The following GPR39 variants were observed in gnomAD, a reference collection of about 807,000 sequenced individuals.
The protein encoded by GPR39 is zinc sensing receptor.
In GPR39, 23 loss-of-function variants were observed where a neutral mutation model predicts 18.4. The ratio of observed to expected loss-of-function variants is 1.25; its 90% CI spans 0.90 to 1.77. The LOEUF is 1.77. Ranked by LOEUF, GPR39 falls within the 40% of genes most tolerant of loss-of-function variation. The pLI, the probability that GPR39 is intolerant of heterozygous loss-of-function variation, is 0.00. For missense variants in GPR39, 647 were observed against 602.4 expected, an observed-to-expected ratio of 1.07 and a Z score of -0.78; for synonymous variants, 280 against 257.9, an observed-to-expected ratio of 1.09 and a Z score of -0.82.
At chr2:132,566,951 C>T (rs1680359343) in intron 1 of GPR39, among the ~76,000 whole-genome samples, 1 of 152,228 alleles carries the variant, frequency 6.6e-6, no homozygotes, top group South Asian at 2.1e-4. Flanking sequence ...CTCCATTTGC[C>T]TTCTTCCTTG....
At chr2:132,630,167 G>A (rs548371168) in intron 1 of GPR39, among the ~76,000 whole-genome samples, 2 of 152,258 alleles carry the variant, frequency 1.3e-5, no homozygotes, top group East Asian at 1.9e-4. Context: ...ACATGGCGGT[G>A]CAAAGACTGA....
At chr2:132,423,595 A>G (rs942152203) in intron 1 of GPR39, among the ~76,000 whole-genome samples, 2 of 151,752 alleles carry the variant, frequency 1.3e-5, no homozygotes, top group Non-Finnish European at 2.9e-5. Flanking sequence ...ATGCTTTTCT[A>G]TCTTACTCTA....
At chr2:132,461,735 T>C (rs1371337791) in intron 1 of GPR39, among the ~76,000 whole-genome samples, 2 of 152,238 alleles carry the variant, frequency 1.3e-5, no homozygotes, top group Non-Finnish European at 2.9e-5. Flanking sequence ...CATTTACTAA[T>C]CATAGTATTA....
At chr2:132,580,713 C>T (rs1680607419) in intron 1 of GPR39, among the ~76,000 whole-genome samples, 7 of 152,080 alleles carry the variant, frequency 4.6e-5, no homozygotes, top group Admixed American at 2.6e-4. Flanking sequence ...CCTGTAATCC[C>T]AGCACTTTGG....
rs1558795578 is a variant in GPR39, at chr2:132,427,121, TA to T, written c.856+9224del. Among the ~76,000 whole-genome samples, 467 of 78,290 alleles carry T rather than the reference TA, an allele frequency of 6.0e-3. 9 individuals carry two copies. The highest frequency in any genetic ancestry group is 0.023 in the African/African-American group (449 of 19,820). The allele number at this position is 78,290 out of a possible 152,430, so 51.4% of individuals were successfully genotyped here. On this transcript the variant is annotated intron_variant, in intron 1 of 1. Transcript: ENST00000329321. ...TAGGTACATATATATATAATATACA[TA>T]TATAGGTACATATATATATATATAT...
chr2:132,553,638 C>T (rs550158902), intron 1 of GPR39, among the ~76,000 whole-genome samples: 7 of 151,994 alleles, frequency 4.6e-5, no homozygotes, highest in Non-Finnish European at 1.0e-4. Flanking sequence ...ACAGAGCTCA[C>T]GGGGTGTGCA....
chr2:132,614,685 A>G (rs6739522), intron 1 of GPR39, among the ~76,000 whole-genome samples: 32,101 of 151,060 alleles, frequency 0.21, 3,585 homozygotes, highest in African/African-American at 0.26. Flanking sequence ...CAAGTAGCTG[A>G]GATTACAGGC....
chr2:132,513,794 C>G (rs1303691336), intron 1 of GPR39, among the ~76,000 whole-genome samples: 1 of 152,180 alleles, frequency 6.6e-6, no homozygotes, highest in Non-Finnish European at 1.5e-5. Context: ...TCATGGCAGC[C>G]TTGACATCCT....
At chr2:132,470,206 T>C (rs1681004761) in intron 1 of GPR39, among the ~76,000 whole-genome samples, 2 of 152,188 alleles carry the variant, frequency 1.3e-5, no homozygotes, top group African/African-American at 2.4e-5. Context: ...TCCTTCCAGT[T>C]AGTGGTGGCA....
intron 1 of GPR39, among the ~76,000 whole-genome samples, chr2:132,593,846 T>C (rs1234671827): frequency 3.3e-5 from 5 of 152,138 alleles, no homozygotes; most frequent in Non-Finnish European, 5.9e-5. Context: ...CTTGTGGCAC[T>C]GGAGGAAAGA....
intron 1 of GPR39, among the ~76,000 whole-genome samples, chr2:132,468,891 G>T (rs1415009036): frequency 3.9e-5 from 6 of 152,178 alleles, no homozygotes; most frequent in Non-Finnish European, 7.3e-5. Flanking sequence ...GAGATACATT[G>T]TCACGTAGGC....
In GPR39 at chr2:132,640,079, A is replaced by G. The variant is rs139631534; in HGVS notation, c.857-5022A>G. ...CAAGGGAGTTACAAGGCTGGTCTCA[A>G]GGTCTCCTCTTGATCTCCTGATCTC... On this transcript the variant is annotated intron_variant, in intron 1 of 1. Coordinates refer to ENST00000329321, the MANE Select transcript of GPR39 (RefSeq NM_001508.3). 4.9e-3 allele frequency among the ~76,000 whole-genome samples: 751 copies of G among 152,264 alleles called. 9 individuals carry two copies. The highest frequency in any genetic ancestry group is 3.6e-3 in the Non-Finnish European group (242 of 68,030).
At chr2:132,423,101 C>T (rs1040505163) in intron 1 of GPR39, among the ~76,000 whole-genome samples, 4 of 152,038 alleles carry the variant, frequency 2.6e-5, no homozygotes, top group Middle Eastern at 3.4e-3. Context: ...AGGACACTGT[C>T]GACTCCTATC....
At chr2:132,489,194 G>T in intron 1 of GPR39, 1 of 220,280 alleles carries the variant, frequency 4.5e-6, no homozygotes. Context: ...CATCTTCCTC[G>T]GTATCATTCC....
intron 1 of GPR39, among the ~76,000 whole-genome samples, chr2:132,458,431 CCTCT>C (rs141468975): frequency 3.3e-4 from 34 of 103,628 alleles, no homozygotes; most frequent in African/African-American, 9.2e-4. Flanking sequence ...ATCTACTTTA[CCTCT>C]CTCTCTCTCT....
chr2:132,602,328 A>T (rs1300971204), intron 1 of GPR39, among the ~76,000 whole-genome samples: 3 of 152,208 alleles, frequency 2.0e-5, no homozygotes, highest in Non-Finnish European at 4.4e-5. Context: ...AAAACTAGAT[A>T]TCCAAATGCA....
chr2:132,570,281 C>A (rs1680419596), intron 1 of GPR39, among the ~76,000 whole-genome samples: 1 of 152,160 alleles, frequency 6.6e-6, no homozygotes, highest in South Asian at 2.1e-4. Context: ...CCACACCCCC[C>A]ACTACCCCTC....
At chr2:132,582,680 C>T (rs998896119) in intron 1 of GPR39, among the ~76,000 whole-genome samples, 2 of 152,144 alleles carry the variant, frequency 1.3e-5, no homozygotes, top group African/African-American at 4.8e-5. Flanking sequence ...CTGGGATGCC[C>T]AGCAGGGAGA....
intron 1 of GPR39, among the ~76,000 whole-genome samples, chr2:132,513,555 T>TCTA (rs145234239): frequency 8.1e-4 from 124 of 152,344 alleles, no homozygotes; most frequent in African/African-American, 3.0e-3. Flanking sequence ...GGGAAGTCTG[T>TCTA]CTACTATGTA....
Sources: gnomAD v4.1 joint callset for allele counts (sites outside exome capture counted in the v4.1 genomes callset) on GRCh38, gnomAD v4.1.1 for gene constraint, MANE v1.5 for transcripts, NCBI Gene and HGNC (gene_info 2026-07-23, HGNC 2026-07-21) for gene names.